NTNG1: variants seen among roughly 807,000 people sequenced by gnomAD.
NTNG1 encodes netrin G1.
Under a neutral mutation model 54.0 loss-of-function variants are expected in NTNG1, and 16 were observed. That is an observed-to-expected ratio of 0.30 (90% CI 0.20 to 0.45). NTNG1 has a LOEUF of 0.45. NTNG1 is among the 20% of genes least tolerant of loss of function. The pLI, the probability that NTNG1 is intolerant of heterozygous loss-of-function variation, is 1.00. For synonymous variants in NTNG1, 255 were observed against 263.1 expected (o/e 0.97, Z 0.30); for missense variants, 530 against 678.7 (o/e 0.78, Z 2.43).
chr1:107,479,008 A>G (rs1219772795), intron 7 of NTNG1, among the ~76,000 whole-genome samples: 1 of 152,260 alleles, frequency 6.6e-6, no homozygotes, highest in Non-Finnish European at 1.5e-5. Flanking sequence ...TATAATCATT[A>G]GAAACCATGG....
chr1:107,219,559 G>A (rs1226031481), intron 2 of NTNG1, among the ~76,000 whole-genome samples: 1 of 152,160 alleles, frequency 6.6e-6, no homozygotes, highest in Non-Finnish European at 1.5e-5. Flanking sequence ...GGAAGATATA[G>A]GACTTAAGGG....
At chr1:107,472,217 A>T (rs1678027739) in intron 7 of NTNG1, among the ~76,000 whole-genome samples, 1 of 152,190 alleles carries the variant, frequency 6.6e-6, no homozygotes, top group Admixed American at 6.5e-5. Flanking sequence ...CTGAACCAAA[A>T]CAGATCAAAC....
chr1:107,452,110 T>A (rs1676662945), intron 7 of NTNG1, among the ~76,000 whole-genome samples: 2 of 152,192 alleles, frequency 1.3e-5, no homozygotes, highest in African/African-American at 4.8e-5. Flanking sequence ...GGGGTTGTTA[T>A]GGAATTAAAT....
At position 107,324,332 on chromosome 1, in the gene NTNG1, G is replaced by T; in HGVS notation, c.297G>T (p.Leu99=). The T allele has an allele frequency of 6.2e-7, 1 of 1,613,622 alleles. No individual in the cohort carries two copies. Among genetic ancestry groups the T allele is most frequent in the African/African-American group, 1.3e-5 (1 of 74,968 alleles). The change falls in exon 3 of 8, where the codon CTG becomes CTT. Residue 99 remains leucine (L), a synonymous_variant. Coordinates refer to ENST00000370068, the MANE Select transcript of NTNG1 (RefSeq NM_001113226.3). ...NNECDASTPE[L]AHPPELMFDF... is the part of the protein sequence containing the mutation. ...AGTGTGATGCGAGTACCCCTGAGCT[G>T]GCACACCCCCCTGAGCTGATGTTTG...
At chr1:107,159,077 C>G (rs1335401722) in intron 2 of NTNG1, among the ~76,000 whole-genome samples, 3 of 152,178 alleles carry the variant, frequency 2.0e-5, no homozygotes, top group Admixed American at 1.3e-4. Flanking sequence ...TCTGCATGCT[C>G]TCTCAAGAGA....
At chr1:107,419,179 T>G (rs1207070720) in intron 5 of NTNG1, among the ~76,000 whole-genome samples, 1 of 151,700 alleles carries the variant, frequency 6.6e-6, no homozygotes, top group Admixed American at 6.6e-5. Flanking sequence ...CTTTAGCCTC[T>G]CTCACACACC....
rs149135522 is a variant in NTNG1 at position 107,416,297 on chromosome 1, A to G, written c.1087+8589A>G. Among the ~76,000 whole-genome samples, 1,002 of 152,264 alleles carry G rather than the reference A, an allele frequency of 6.6e-3. 10 individuals are homozygous for G. The highest frequency in any genetic ancestry group is 0.023 in the African/African-American group (957 of 41,556). Reference sequence around the variant, plus strand: ...AGTTTAACGAAGTTAGGCATTCTACATAATGAAAATTATTTGAAAAAAAAA... The same window carrying G: ...AGTTTAACGAAGTTAGGCATTCTACGTAATGAAAATTATTTGAAAAAAAAA... On this transcript the variant is annotated intron_variant, in intron 5 of 7. Transcript: ENST00000370068.
intron 3 of NTNG1, among the ~76,000 whole-genome samples, chr1:107,384,717 T>C (rs542367219): frequency 1.3e-5 from 2 of 152,310 alleles, no homozygotes; most frequent in South Asian, 4.1e-4. Flanking sequence ...GGCCTCTGGG[T>C]TTGCAGAGAG....
chr1:107,400,102 A>T (rs892099248), intron 4 of NTNG1, among the ~76,000 whole-genome samples: 1 of 152,054 alleles, frequency 6.6e-6, no homozygotes, highest in Non-Finnish European at 1.5e-5. Context: ...ATTCAGAAAA[A>T]TTTTTCAGCT....
chr1:107,378,814 C>T (rs1043027790), intron 3 of NTNG1, among the ~76,000 whole-genome samples: 16 of 152,176 alleles, frequency 1.1e-4, no homozygotes, highest in Admixed American at 2.0e-4. Flanking sequence ...TGGGGCCAGT[C>T]TGCCTGCTTC....
At chr1:107,324,223 T>C in intron 2 of NTNG1, 59 bp from the exon 3 acceptor site, 1 of 1,517,988 alleles carries the variant, frequency 6.6e-7, no homozygotes, top group East Asian at 2.3e-5. Context: ...AACAGCAATA[T>C]GGCAAGACTT....
At chr1:107,377,312 C>A (rs1671350132) in intron 3 of NTNG1, among the ~76,000 whole-genome samples, 2 of 152,148 alleles carry the variant, frequency 1.3e-5, no homozygotes, top group South Asian at 2.1e-4. Flanking sequence ...CACCACCACA[C>A]CTCCAAGCTC....
intron 2 of NTNG1, among the ~76,000 whole-genome samples, chr1:107,251,666 A>G (rs887814493): frequency 6.6e-5 from 10 of 152,072 alleles, no homozygotes; most frequent in Non-Finnish European, 1.2e-4. Context: ...AGTCTCCTAC[A>G]ACTCAACTCT....
intron 2 of NTNG1, among the ~76,000 whole-genome samples, chr1:107,150,209 G>A (rs1329546488): frequency 6.6e-6 from 1 of 152,128 alleles, no homozygotes; most frequent in African/African-American, 2.4e-5. Context: ...GAGAGGACCC[G>A]TCTCTATGGG....
intron 3 of NTNG1, among the ~76,000 whole-genome samples, chr1:107,325,462 GTTA>G: frequency 6.6e-6 from 1 of 152,052 alleles, no homozygotes. Flanking sequence ...GTTTTTGGAT[GTTA>G]TTATATCAAA....
At chr1:107,430,598 A>C (rs1261699130) in intron 5 of NTNG1, 152 bp from the exon 6 acceptor site, 3 of 821,702 alleles carry the variant, frequency 3.7e-6, no homozygotes, top group Non-Finnish European at 2.1e-6. Context: ...GCCAGTCACA[A>C]CCACCTGTTG....
intron 6 of NTNG1, among the ~76,000 whole-genome samples, chr1:107,435,051 A>G (rs1269344420): frequency 6.6e-6 from 1 of 152,102 alleles, no homozygotes; most frequent in Non-Finnish European, 1.5e-5. Flanking sequence ...CTAAAATCTT[A>G]TATTAATTAA....
intron 5 of NTNG1, among the ~76,000 whole-genome samples, chr1:107,426,234 A>C (rs917335283): frequency 3.3e-5 from 5 of 151,924 alleles, no homozygotes; most frequent in Non-Finnish European, 5.9e-5. Flanking sequence ...CTTCATTATA[A>C]ATTCTTTGCC....
chr1:107,330,053 G>C (rs1034923271), intron 3 of NTNG1, among the ~76,000 whole-genome samples: 2 of 152,008 alleles, frequency 1.3e-5, no homozygotes, highest in African/African-American at 4.8e-5. Context: ...TTGAAATATG[G>C]GTTTTATTGT....
Sources: gnomAD v4.1 joint callset for allele counts (sites outside exome capture counted in the v4.1 genomes callset) on GRCh38, gnomAD v4.1.1 for gene constraint, MANE v1.5 for transcripts, NCBI Gene and HGNC (gene_info 2026-07-23, HGNC 2026-07-21) for gene names.